Variants in ANKS1A observed in about 807,000 individuals in gnomAD.
The protein encoded by ANKS1A is ankyrin repeat and SAM domain-containing protein 1A.
Under a neutral mutation model 120.3 loss-of-function variants are expected in ANKS1A, and 55 were observed. The ratio of observed to expected loss-of-function variants is 0.46; its 90% CI spans 0.37 to 0.57. The LOEUF is 0.57. Among genes scored for constraint, ANKS1A ranks in the 20% least tolerant of loss-of-function variants. ANKS1A has a pLI of 0.00. For missense variants in ANKS1A, 1,123 were observed against 1,480.3 expected (o/e 0.76, Z 3.96); for synonymous variants, 590 against 604.7 (o/e 0.98, Z 0.36).
chr6:34,946,437 T>C (rs375004118), intron 1 of ANKS1A, among the ~76,000 whole-genome samples: 2 of 151,918 alleles, frequency 1.3e-5, no homozygotes, highest in African/African-American at 4.8e-5. Flanking sequence ...AAAATATAAA[T>C]ATTAGTCGGG....
rs1771257175 is a variant in ANKS1A at position 34,972,887 on chromosome 6, G to A, written c.435+2721G>A. ...GTGGGTGGTTTTTTCTGGAATATTT[G>A]AAATGGCAGGAATGGGGAAATAGAA... On this transcript the variant is annotated intron_variant, in intron 3 of 23. Transcript: ENST00000360359. Among the ~76,000 whole-genome samples, 3 of 152,218 alleles carry A rather than the reference G, an allele frequency of 2.0e-5. No homozygotes were observed. In the South Asian group the frequency reaches 6.2e-4, roughly 32 times the overall value.
At chr6:34,910,304 C>T (rs1432837040) in intron 1 of ANKS1A, among the ~76,000 whole-genome samples, 1 of 152,082 alleles carries the variant, frequency 6.6e-6, no homozygotes. Flanking sequence ...TGGCTCGTGC[C>T]CTGTAATCCC....
chr6:35,061,830 G>T (rs1239691603), intron 13 of ANKS1A, among the ~76,000 whole-genome samples: 2 of 152,208 alleles, frequency 1.3e-5, no homozygotes, highest in East Asian at 3.8e-4. Flanking sequence ...CAGGCAATGC[G>T]TGGGGACCCA....
At position 34,982,736 on chromosome 6, in the gene ANKS1A, C is replaced by G. The variant is rs770884499; in HGVS notation, c.733-16C>G. ...TTCTGATGACATCCCGCTCTGCGCT[C>G]TCGTTTGCTTTCCAGACGGAGATGG... On this transcript the variant is annotated splice_polypyrimidine_tract_variant and intron_variant, in intron 4 of 23. Coordinates refer to ENST00000360359, the MANE Select transcript of ANKS1A (RefSeq NM_015245.3). This position sits in a 1 kb window ranked among gnomAD's most constrained non-coding sequence, Gnocchi z 4.9. 2 of 1,614,124 alleles carry G rather than the reference C, an allele frequency of 1.2e-6. No homozygotes were observed. The highest frequency in any genetic ancestry group is 1.7e-6 in the Non-Finnish European group (2 of 1,180,044).
In ANKS1A at chr6:34,995,574, A is replaced by G. The variant is rs1026874243; in HGVS notation, c.1423+1152A>G. On this transcript the variant is annotated intron_variant, in intron 10 of 23. Transcript: ENST00000360359. Reference sequence around the variant, plus strand: ...ATGTTCTTTTGTAGTCAACCCCTCTACCTTCCCTTATTTCTCACAACCACT... The same window carrying G: ...ATGTTCTTTTGTAGTCAACCCCTCTGCCTTCCCTTATTTCTCACAACCACT... 9.2e-5 allele frequency among the ~76,000 whole-genome samples: 14 copies of G among 152,092 alleles called. No individual in the cohort carries two copies. The East Asian group carries it at 2.7e-3, about 29-fold the overall frequency.
intron 1 of ANKS1A, among the ~76,000 whole-genome samples, chr6:34,908,362 A>C (rs189119525): frequency 1.1e-3 from 172 of 152,352 alleles, no homozygotes; most frequent in Admixed American, 4.2e-3. Flanking sequence ...TTTGCCCAGC[A>C]GTGAGTAAGC....
intron 1 of ANKS1A, among the ~76,000 whole-genome samples, chr6:34,934,784 A>G (rs1769166380): frequency 6.6e-6 from 1 of 152,220 alleles, no homozygotes; most frequent in Non-Finnish European, 1.5e-5. Flanking sequence ...TCGACATCTC[A>G]GCTAAAACAA....
chr6:34,968,723 C>T (rs1224564386), intron 2 of ANKS1A, among the ~76,000 whole-genome samples: 3 of 151,874 alleles, frequency 2.0e-5, no homozygotes, highest in Admixed American at 1.3e-4. Flanking sequence ...CAGGCATGAG[C>T]CACTGCGCCC....
chr6:35,055,903 A>G (rs1307251277), intron 12 of ANKS1A, among the ~76,000 whole-genome samples: 1 of 152,222 alleles, frequency 6.6e-6, no homozygotes, highest in Non-Finnish European at 1.5e-5. Context: ...GCTTACACTC[A>G]GTCAAGCCAT....
At chr6:34,925,016 A>G (rs1469584246) in intron 1 of ANKS1A, among the ~76,000 whole-genome samples, 1 of 152,210 alleles carries the variant, frequency 6.6e-6, no homozygotes, top group African/African-American at 2.4e-5. Context: ...CTAATTTTTT[A>G]AAACAGGCAA....
At chr6:35,000,703 T>G (rs1773121485) in intron 10 of ANKS1A, among the ~76,000 whole-genome samples, 1 of 152,114 alleles carries the variant, frequency 6.6e-6, no homozygotes. Context: ...TTAAAAGTAA[T>G]AAAGCCTCCT....
At chr6:35,041,955 T>TCGC (rs1214608543) in intron 11 of ANKS1A, among the ~76,000 whole-genome samples, 2 of 152,110 alleles carry the variant, frequency 1.3e-5, no homozygotes, top group Non-Finnish European at 2.9e-5. Flanking sequence ...AATACTGACA[T>TCGC]AGATGGTAGG....
intron 3 of ANKS1A, among the ~76,000 whole-genome samples, chr6:34,979,226 T>G (rs1306850293): frequency 6.6e-6 from 1 of 152,108 alleles, no homozygotes; most frequent in Non-Finnish European, 1.5e-5. Flanking sequence ...CCCATGTAAT[T>G]CCAAAATGAA....
At chr6:35,073,803 G>A (rs1270277942) in intron 13 of ANKS1A, among the ~76,000 whole-genome samples, 1 of 152,184 alleles carries the variant, frequency 6.6e-6, no homozygotes, top group Non-Finnish European at 1.5e-5. Context: ...GTTTCTAAAA[G>A]CCAGTGGTCC....
At chr6:34,939,253 T>C (rs775744643) in intron 1 of ANKS1A, among the ~76,000 whole-genome samples, 2 of 152,116 alleles carry the variant, frequency 1.3e-5, no homozygotes, top group South Asian at 2.1e-4. Context: ...ACCTCACAGG[T>C]TGGAGCAGAT....
At chr6:34,890,817 G>A (rs1211023898) in intron 1 of ANKS1A, among the ~76,000 whole-genome samples, 1 of 152,132 alleles carries the variant, frequency 6.6e-6, no homozygotes, top group East Asian at 1.9e-4. Context: ...AAATGCCTTC[G>A]TTAGCTTTTG....
chr6:35,008,909 G>C (rs1019486037), intron 10 of ANKS1A, among the ~76,000 whole-genome samples: 6 of 152,184 alleles, frequency 3.9e-5, no homozygotes, highest in African/African-American at 1.4e-4. Context: ...GAAGGAGAGA[G>C]CATTCCAGGC....
At chr6:34,924,268 T>TA (rs1768595188) in intron 1 of ANKS1A, among the ~76,000 whole-genome samples, 1 of 152,178 alleles carries the variant, frequency 6.6e-6, no homozygotes, top group South Asian at 2.1e-4. Flanking sequence ...AGTTTCTTGT[T>TA]ATGATGCATT....
chr6:35,009,205 CAG>C (rs926006018), intron 10 of ANKS1A, among the ~76,000 whole-genome samples: 5 of 152,092 alleles, frequency 3.3e-5, no homozygotes, highest in African/African-American at 4.8e-5. Flanking sequence ...AGAGACTTCA[CAG>C]AGTCTCTCCA....
Sources: gnomAD v4.1 joint callset for allele counts (sites outside exome capture counted in the v4.1 genomes callset) on GRCh38, gnomAD v4.1.1 for gene constraint, Gnocchi (gnomAD v3.1) non-coding constraint, MANE v1.5 for transcripts, NCBI Gene and HGNC (gene_info 2026-07-23, HGNC 2026-07-21) for gene names.